The following MARCHF1 variants were observed in gnomAD, a reference collection of about 807,000 sequenced individuals.
The protein encoded by MARCHF1 is E3 ubiquitin-protein ligase MARCHF1.
Under a neutral mutation model 54.2 loss-of-function variants are expected in MARCHF1, and 40 were observed. That is an observed-to-expected ratio of 0.74 (90% CI 0.57 to 0.96). The LOEUF is 0.96. MARCHF1 is among the 40% of genes least tolerant of loss of function. The probability of loss-of-function intolerance (pLI) is 0.00; values close to 1 mark genes in which losing one functional copy is unlikely to be tolerated. For missense variants in MARCHF1, 586 were observed against 656.5 expected (o/e 0.89, Z 1.17); for synonymous variants, 236 against 236.3 (o/e 1.00, Z 0.01).
chr4:163,974,090 A>T (rs6857054), intron 3 of MARCHF1, among the ~76,000 whole-genome samples: 80,105 of 152,024 alleles, frequency 0.53, 22,596 homozygotes, highest in Middle Eastern at 0.68. Flanking sequence ...AAATGAAGAT[A>T]ATGAGAGTAC....
At chr4:164,067,150 C>A (rs1754748365) in intron 2 of MARCHF1, among the ~76,000 whole-genome samples, 1 of 152,102 alleles carries the variant, frequency 6.6e-6, no homozygotes, top group Non-Finnish European at 1.5e-5. Context: ...TTGATCATTA[C>A]AATGTCCATA....
intron 2 of MARCHF1, among the ~76,000 whole-genome samples, chr4:164,009,606 GA>G (rs1245219456): frequency 6.6e-6 from 1 of 152,122 alleles, no homozygotes; most frequent in Non-Finnish European, 1.5e-5. Flanking sequence ...GATCAAGTGG[GA>G]TTCATCCAGA....
chr4:163,724,814 G>T (rs1010648285), intron 4 of MARCHF1, among the ~76,000 whole-genome samples: 1 of 152,164 alleles, frequency 6.6e-6, no homozygotes, highest in African/African-American at 2.4e-5. Context: ...AGCCATGCAT[G>T]GGATATAATC....
intron 4 of MARCHF1, among the ~76,000 whole-genome samples, chr4:163,799,363 A>G (rs1434253941): frequency 6.6e-6 from 1 of 152,158 alleles, no homozygotes; most frequent in Non-Finnish European, 1.5e-5. Flanking sequence ...TATGCATAGA[A>G]GAATATACAT....
intron 8 of MARCHF1, among the ~76,000 whole-genome samples, chr4:163,549,568 G>A (rs1739031690): frequency 6.6e-6 from 1 of 152,126 alleles, no homozygotes; most frequent in Non-Finnish European, 1.5e-5. Flanking sequence ...CTAAGATTAG[G>A]CAAAAGTAGT....
intron 3 of MARCHF1, among the ~76,000 whole-genome samples, chr4:163,965,282 A>G (rs1445442275): frequency 6.6e-6 from 1 of 151,976 alleles, no homozygotes; most frequent in Non-Finnish European, 1.5e-5. Context: ...CTTGTTAGGG[A>G]TTGAGACATC....
chr4:164,243,525 G>A (rs1008457725), intron 1 of MARCHF1, among the ~76,000 whole-genome samples: 17 of 151,912 alleles, frequency 1.1e-4, no homozygotes, highest in South Asian at 2.1e-4. Context: ...AAAGACCATC[G>A]AGACTAGGAA....
In MARCHF1 at chr4:163,816,190, C is replaced by T. The variant is rs74821758; in HGVS notation, c.111+37831G>A. Among the ~76,000 whole-genome samples, 904 of 152,322 alleles carry T rather than the reference C, an allele frequency of 5.9e-3. 5 individuals are homozygous for T. The highest frequency in any genetic ancestry group is 8.7e-3 in the Non-Finnish European group (592 of 68,016). ...CAGTGGGACCAGATGTTTGTAATTA[C>T]ATTTAAACTGCTGCGAAGGCATTGA... is the stretch of plus-strand genomic sequence containing the variant. On this transcript the variant is annotated intron_variant, in intron 4 of 9. Transcript: ENST00000514618.
At chr4:163,912,315 C>A (rs1239878264) in intron 3 of MARCHF1, among the ~76,000 whole-genome samples, 1 of 152,000 alleles carries the variant, frequency 6.6e-6, no homozygotes, top group East Asian at 1.9e-4. Context: ...TAGATACTGG[C>A]AGACAAGGAG....
chr4:163,525,319 A>T lies in MARCHF1; in HGVS notation c.*3429T>A, dbSNP rs1441937145. The T allele has an allele frequency of 6.6e-6, 1 of 152,088 alleles. No homozygotes were observed. The highest frequency in any genetic ancestry group is 1.5e-5 in the Non-Finnish European group (1 of 68,000). The allele number at this position is 152,088 out of a possible 1,614,324, so 9.4% of individuals were successfully genotyped here. A position where few individuals can be genotyped will look rare whatever the true frequency, so the allele number is the denominator to read the frequency against. On this transcript the variant is annotated 3_prime_UTR_variant, in exon 10 of 10. Coordinates refer to ENST00000514618, the MANE Select transcript of MARCHF1 (RefSeq NM_001394959.1). ...CTTTTGTAAAACAAGATAAAAAACC[A>T]TGAGGTCGTCTGTCTGGGACTATAA...
At chr4:164,335,171 G>T (rs371853146) in intron 1 of MARCHF1, among the ~76,000 whole-genome samples, 1 of 152,182 alleles carries the variant, frequency 6.6e-6, no homozygotes, top group African/African-American at 2.4e-5. Flanking sequence ...GTTTGAGAGG[G>T]TTGACTTCAA....
At position 163,545,291 on chromosome 4, in the gene MARCHF1, C is replaced by A. The variant is rs529069250; in HGVS notation, c.1339+305G>T. ...CAGCCATTTGCCTTTTCACATCAGG[C>A]AGAACTTGATCCTTATTCAGTTCCC... is the stretch of plus-strand genomic sequence containing the variant. On this transcript the variant is annotated intron_variant, in intron 9 of 9. Transcript: ENST00000514618. 2.7e-4 allele frequency among the ~76,000 whole-genome samples: 41 copies of A among 152,280 alleles called. No homozygotes were observed. The South Asian group carries it at 7.9e-3, about 29-fold the overall frequency.
chr4:164,194,188 T>C (rs1731192677), intron 1 of MARCHF1, among the ~76,000 whole-genome samples: 1 of 152,214 alleles, frequency 6.6e-6, no homozygotes, highest in South Asian at 2.1e-4. Context: ...GCTCCATTTT[T>C]TTCTGTGAAA....
At chr4:164,211,292 AT>A in intron 1 of MARCHF1, among the ~76,000 whole-genome samples, 1 of 149,778 alleles carries the variant, frequency 6.7e-6, no homozygotes, top group Non-Finnish European at 1.5e-5. Flanking sequence ...ATATATATAT[AT>A]ATACCACATT....
Position 163,725,766 on chromosome 4 carries a change from T to A in MARCHF1, c.112-24903A>T, listed in dbSNP as rs187600748. Among the ~76,000 whole-genome samples the A allele has an allele frequency of 2.0e-5, 3 of 152,326 alleles. No homozygotes were observed. In the East Asian group the frequency reaches 5.8e-4, roughly 29 times the overall value. The stretch of plus-strand genomic sequence containing the variant: ...TAGCTCTGCAATCTTGGAAAACTTA[T>A]TCAAGCTTTCCATGCCTGTTTATCG... On this transcript the variant is annotated intron_variant, in intron 4 of 9. Coordinates refer to ENST00000514618, the MANE Select transcript of MARCHF1 (RefSeq NM_001394959.1).
chr4:164,306,703 G>T (rs56800689), intron 1 of MARCHF1, among the ~76,000 whole-genome samples: 2 of 151,936 alleles, frequency 1.3e-5, no homozygotes, highest in Admixed American at 1.3e-4. Context: ...GTGATTCAGC[G>T]CACATACAGA....
intron 4 of MARCHF1, among the ~76,000 whole-genome samples, chr4:163,808,521 A>G (rs576329872): frequency 1.3e-5 from 2 of 152,224 alleles, no homozygotes; most frequent in African/African-American, 2.4e-5. Context: ...CCTGTGCTCC[A>G]GAAATAGTAA....
chr4:164,320,762 A>G (rs1330516110), intron 1 of MARCHF1, among the ~76,000 whole-genome samples: 2 of 151,468 alleles, frequency 1.3e-5, no homozygotes, highest in Non-Finnish European at 2.9e-5. Flanking sequence ...TCCTTTAAGT[A>G]TGGATATGTC....
chr4:164,289,964 A>G (rs1486941741), intron 1 of MARCHF1, among the ~76,000 whole-genome samples: 1 of 151,882 alleles, frequency 6.6e-6, no homozygotes, highest in African/African-American at 2.4e-5. Context: ...GTCTTCATGT[A>G]TTCCCCTAAG....
Sources: allele counts gnomAD v4.1 joint callset (sites outside exome capture counted in the v4.1 genomes callset), GRCh38; gene constraint gnomAD v4.1.1; transcripts MANE v1.5; gene names NCBI Gene and HGNC (gene_info 2026-07-23, HGNC 2026-07-21).